The following SLFN11 variants were observed in gnomAD, a reference collection of about 807,000 sequenced individuals.
SLFN11 encodes the protein schlafen family member 11.
A neutral mutation model predicts 53.4 loss-of-function variants in SLFN11; 43 were observed. The ratio of observed to expected loss-of-function variants is 0.80; its 90% CI spans 0.63 to 1.04. SLFN11 has a LOEUF of 1.04. Ranked by LOEUF, SLFN11 falls within the 50% of genes least tolerant of loss-of-function variation. The pLI, the probability that SLFN11 is intolerant of heterozygous loss-of-function variation, is 0.00. For synonymous variants in SLFN11, 389 were observed against 394.7 expected (o/e 0.99, Z 0.17); for missense variants, 990 against 1,079.1 (o/e 0.92, Z 1.16).
intron 5 of SLFN11, among the ~76,000 whole-genome samples, 160 bp from the exon 6 acceptor site, chr17:35,354,219 C>T (rs1203571644): frequency 1.3e-5 from 2 of 151,836 alleles, no homozygotes; most frequent in Admixed American, 1.3e-4. Context: ...AGGAAAAGAA[C>T]CCTTGGAATA....
chr17:35,362,733 T>A lies in SLFN11; in HGVS notation c.1069+6A>T. ...GACAGGGAGGGAGGAGCTTTCTCCC[T>A]CTTACCTGGATCTGTGTCTGTCATC... On this transcript the variant is annotated splice_donor_region_variant and intron_variant, in intron 4 of 6. Transcript: ENST00000685675. 1 of 1,539,664 alleles carries A rather than the reference T, an allele frequency of 6.5e-7. No homozygotes were observed. Among genetic ancestry groups the A allele is most frequent in the East Asian group, 2.3e-5 (1 of 44,212 alleles).
At chr17:35,366,485 A>G (rs920014074) in intron 3 of SLFN11, among the ~76,000 whole-genome samples, 10 of 152,148 alleles carry the variant, frequency 6.6e-5, no homozygotes, top group Admixed American at 3.9e-4. Flanking sequence ...AAATACAGTC[A>G]ACAAATACCT....
In SLFN11 at chr17:35,352,978, G is replaced by A. The variant is rs1172385741; in HGVS notation, c.2084C>T (p.Pro695Leu). 6.2e-7 allele frequency: 1 copy of A among 1,614,160 alleles called. No individual in the cohort carries two copies. Among genetic ancestry groups the A allele is most frequent in the Non-Finnish European group, 8.5e-7 (1 of 1,180,040 alleles). Residue 695 changes from proline (P) to leucine (L), a missense_variant, in exon 7 of 7, where the codon CCA becomes CTA. Coordinates refer to ENST00000685675, the MANE Select transcript of SLFN11 (RefSeq NM_001376007.1). ...ATCCAGAAAGATCCAGAGAATTCCT[G>A]GGCCACCCTTTGCTCTCCGAGTGAT... The part of the protein sequence containing the change: ...KSITRRAKGG[P>L]GILWIFLDYF...
intron 5 of SLFN11, among the ~76,000 whole-genome samples, chr17:35,356,611 T>C (rs908876843): frequency 3.3e-5 from 5 of 152,128 alleles, no homozygotes; most frequent in African/African-American, 1.2e-4. Flanking sequence ...GATCTTTCCA[T>C]ATCAATGCAC....
Position 35,365,137 on chromosome 17 carries a change from G to A in SLFN11, c.-19-1311C>T, listed in dbSNP as rs1908794933. 1.3e-5 allele frequency among the ~76,000 whole-genome samples: 2 copies of A among 152,048 alleles called. 1 individual carries two copies. The highest frequency in any genetic ancestry group is 2.9e-5 in the Non-Finnish European group (2 of 68,014). ...AGGATGCAGAAGAAGGTCAGGAGGA[G>A]GAGAAATGGAGATAATAGGCATGGG... On this transcript the variant is annotated intron_variant, in intron 3 of 6. Coordinates refer to ENST00000685675, the MANE Select transcript of SLFN11 (RefSeq NM_001376007.1).
intron 5 of SLFN11, among the ~76,000 whole-genome samples, chr17:35,358,967 A>G (rs1346504932): frequency 1.3e-5 from 2 of 152,242 alleles, no homozygotes; most frequent in Non-Finnish European, 1.5e-5. Context: ...GCAATGAGCT[A>G]TGATCACATC....
At chr17:35,360,211 T>C in intron 5 of SLFN11, 32 bp downstream of exon 5, 3 of 1,593,756 alleles carry the variant, frequency 1.9e-6, no homozygotes, top group Non-Finnish European at 2.6e-6. Flanking sequence ...ATATAGAAAC[T>C]GGCTGGTGTT....
chr17:35,352,628 G>A lies in SLFN11; in HGVS notation c.2434C>T (p.Leu812Phe). 6.2e-7 allele frequency: 1 copy of A among 1,614,186 alleles called. No individual in the cohort carries two copies. Among genetic ancestry groups the A allele is most frequent in the Non-Finnish European group, 8.5e-7 (1 of 1,180,036 alleles). Residue 812 changes from leucine to phenylalanine, a missense_variant, in exon 7 of 7, where the codon CTT (leucine) becomes TTT (phenylalanine). Physicochemically the swap from Leu to Phe is conservative, Grantham distance 22. Coordinates refer to ENST00000685675, the MANE Select transcript of SLFN11 (RefSeq NM_001376007.1). ...RGYSPKDVAV[L>F]VSTAKEVEHY... ...TCCACTTCTTTTGCGGTGCTGACAA[G>A]CACAGCAACATCCTTTGGAGAATAG... is the stretch of plus-strand genomic sequence containing the variant.
Position 35,353,967 on chromosome 17 carries a change from T to A in SLFN11, c.1291A>T (p.Met431Leu), listed in dbSNP as rs1018167366. The A allele has an allele frequency of 6.2e-7, 1 of 1,613,944 alleles. No homozygotes were observed. The highest frequency in any genetic ancestry group is 8.5e-7 in the Non-Finnish European group (1 of 1,180,026). Residue 431 changes from methionine to leucine, a missense_variant, in exon 6 of 7, where the codon ATG (methionine) becomes TTG (leucine). By Grantham distance (15) the Met-to-Leu change is conservative. This residue lies in a region of SLFN11 where 521 missense variants were observed against 516.2 expected (regional missense o/e 1.01). Transcript: ENST00000685675. ...AAAATTCCCCGAAAGAAAGGTTGCATTTGCTTATTTATTAACTCCTCTAGT... is the reference window on the plus strand; with the variant it reads ...AAAATTCCCCGAAAGAAAGGTTGCAATTGCTTATTTATTAACTCCTCTAGT... ...RGLEELINKQ[M>L]QPFFRGILIF...
chr17:35,351,954 C>T lies in SLFN11; in HGVS notation c.*402G>A, dbSNP rs540121061. The T allele has an allele frequency of 3.3e-5, 6 of 182,926 alleles. No individual in the cohort carries two copies. Among genetic ancestry groups the T allele is most frequent in the East Asian group, 1.5e-4 (1 of 6,872 alleles). The allele number at this position is 182,926 out of a possible 1,614,324, so 11.3% of individuals were successfully genotyped here. On this transcript the variant is annotated 3_prime_UTR_variant, in exon 7 of 7. Transcript: ENST00000685675. ...TAACAGACCATGCTTCTGCAGAAAA[C>T]GATTCTGGACAAATTTTTAAAAGCA...
intron 5 of SLFN11, among the ~76,000 whole-genome samples, chr17:35,357,745 TATATAAATA>T (rs1396851280): frequency 6.9e-6 from 1 of 145,216 alleles, no homozygotes; most frequent in Non-Finnish European, 1.5e-5. Flanking sequence ...ATATATATCA[TATATAAATA>T]ATATAAATAT....
In SLFN11 at chr17:35,352,875, T is replaced by C. The variant is rs1486008012; in HGVS notation, c.2187A>G (p.Arg729=). 2.5e-6 allele frequency: 4 copies of C among 1,614,194 alleles called. No individual in the cohort carries two copies. Among genetic ancestry groups the C allele is most frequent in the Non-Finnish European group, 3.4e-6 (4 of 1,180,040 alleles). ...SDQYPREELT[R]IVRNADPIAK... ...CTATTGGATCTGCATTGCGAACTAT[T>C]CTGGTGAGCTCTTCTCTTGGATATT... The change falls in exon 7 of 7, where the codon AGA becomes AGG. Residue 729 remains arginine, a synonymous_variant. Transcript: ENST00000685675.
At chr17:35,357,848 A>G (rs543996209) in intron 5 of SLFN11, among the ~76,000 whole-genome samples, 2 of 145,418 alleles carry the variant, frequency 1.4e-5, no homozygotes, top group African/African-American at 2.5e-5. Flanking sequence ...TTAAAAATAT[A>G]TAATTATTTA....
intron 5 of SLFN11, among the ~76,000 whole-genome samples, chr17:35,357,745 T>C (rs1907696972): frequency 6.9e-6 from 1 of 145,216 alleles, no homozygotes; most frequent in Non-Finnish European, 1.5e-5. Flanking sequence ...ATATATATCA[T>C]ATATAAATAA....
At chr17:35,368,706 AGT>A (rs759702546) in intron 1 of SLFN11, among the ~76,000 whole-genome samples, 3 of 152,094 alleles carry the variant, frequency 2.0e-5, no homozygotes, top group Non-Finnish European at 4.4e-5. Flanking sequence ...AACCCCAGAC[AGT>A]GTGACTCTCA....
Position 35,350,789 on chromosome 17 carries a change from G to A in SLFN11, c.*1567C>T, listed in dbSNP as rs1016141139. The A allele has an allele frequency of 2.0e-5, 3 of 152,114 alleles. No individual in the cohort carries two copies. The highest frequency in any genetic ancestry group is 1.9e-4 in the East Asian group (1 of 5,198). The allele number at this position is 152,114 out of a possible 1,614,324, so 9.4% of individuals were successfully genotyped here. ...ACACAGAAAGACAGGAGAAAGGCAA[G>A]GAAGTTCAAAAATCACAGTCTGGGG... is the stretch of plus-strand genomic sequence containing the variant. On this transcript the variant is annotated 3_prime_UTR_variant, in exon 7 of 7. Transcript: ENST00000685675.
intron 3 of SLFN11, among the ~76,000 whole-genome samples, chr17:35,365,372 C>G (rs1908827753): frequency 6.6e-6 from 1 of 152,138 alleles, no homozygotes; most frequent in Non-Finnish European, 1.5e-5. Context: ...CAGCCTCAAA[C>G]TCTGGGGCTC....
chr17:35,360,787 T>C (rs1166730238), intron 4 of SLFN11, among the ~76,000 whole-genome samples: 1 of 152,104 alleles, frequency 6.6e-6, no homozygotes, highest in South Asian at 2.1e-4. Flanking sequence ...CACTGATTTG[T>C]AATTACCATT....
At chr17:35,369,546 G>A (rs1909397138) in intron 1 of SLFN11, among the ~76,000 whole-genome samples, 1 of 152,060 alleles carries the variant, frequency 6.6e-6, no homozygotes, top group Admixed American at 6.5e-5. Context: ...TTGCCACTCT[G>A]AAGAAAAGAA....
Sources: allele counts gnomAD v4.1 joint callset (sites outside exome capture counted in the v4.1 genomes callset), GRCh38; gene constraint gnomAD v4.1.1; regional missense constraint gnomAD v4.1.1; transcripts MANE v1.5; gene names NCBI Gene and HGNC (gene_info 2026-07-23, HGNC 2026-07-21).